GRIN2B: variants seen among roughly 807,000 people sequenced by gnomAD.
The protein encoded by GRIN2B is glutamate receptor ionotropic, NMDA 2B.
Under a neutral mutation model 114.5 loss-of-function variants are expected in GRIN2B, and 5 were observed. That is an observed-to-expected ratio of 0.04 (90% confidence interval 0.02 to 0.09). GRIN2B has a LOEUF of 0.09. GRIN2B is among the 10% of genes least tolerant of loss of function. The pLI, the probability that GRIN2B is intolerant of heterozygous loss-of-function variation, is 1.00. For missense variants in GRIN2B, 1,108 were observed against 1,943.5 expected (o/e 0.57, Z 8.08); for synonymous variants, 787 against 745.1 (o/e 1.06, Z -0.92).
chr12:13,670,714 A>G (rs1236630382), intron 5 of GRIN2B, among the ~76,000 whole-genome samples: 1 of 151,624 alleles, frequency 6.6e-6, no homozygotes, highest in East Asian at 1.9e-4. Flanking sequence ...TTTTTTCACC[A>G]TTTCTACCCT....
chr12:13,611,904 C>T (rs920314666), intron 8 of GRIN2B, 54 bp from the exon 9 acceptor site: 68 of 1,577,890 alleles, frequency 4.3e-5, no homozygotes, highest in Admixed American at 1.7e-4. Context: ...CAAAAGAATT[C>T]GAATTAATTC....
chr12:13,749,103 G>C (rs192647893), intron 4 of GRIN2B, among the ~76,000 whole-genome samples: 7 of 152,338 alleles, frequency 4.6e-5, no homozygotes, highest in Admixed American at 2.0e-4. Flanking sequence ...CACCTGATAA[G>C]TAATGTTCAT....
intron 2 of GRIN2B, among the ~76,000 whole-genome samples, chr12:13,933,603 G>A (rs914755795): frequency 6.6e-6 from 1 of 152,100 alleles, no homozygotes; most frequent in African/African-American, 2.4e-5. Flanking sequence ...TGGTACCTCT[G>A]CAAGAAGGGT....
intron 2 of GRIN2B, among the ~76,000 whole-genome samples, chr12:13,908,238 G>GAA (rs138547976): frequency 2.7e-5 from 4 of 145,472 alleles, no homozygotes; most frequent in African/African-American, 7.6e-5. Flanking sequence ...CTACATATTT[G>GAA]AAAAAAAAAA....
chr12:13,770,298 A>G (rs1450549386), intron 3 of GRIN2B, among the ~76,000 whole-genome samples: 1 of 152,246 alleles, frequency 6.6e-6, no homozygotes, highest in East Asian at 1.9e-4. Context: ...ACACTGGCCA[A>G]TGAAGTGTCC....
At chr12:13,719,602 A>G (rs1950489756) in intron 4 of GRIN2B, among the ~76,000 whole-genome samples, 1 of 152,050 alleles carries the variant, frequency 6.6e-6, no homozygotes, top group Non-Finnish European at 1.5e-5. Flanking sequence ...ATTCTTGTAA[A>G]GCCATGCCAA....
At chr12:13,924,215 A>T (rs972999270) in intron 2 of GRIN2B, among the ~76,000 whole-genome samples, 3 of 152,228 alleles carry the variant, frequency 2.0e-5, no homozygotes, top group African/African-American at 7.2e-5. Context: ...GTATATGGAT[A>T]AGATATCTAG....
chr12:13,875,324 C>T (rs1403356353), intron 2 of GRIN2B, among the ~76,000 whole-genome samples: 1 of 152,206 alleles, frequency 6.6e-6, no homozygotes, highest in Admixed American at 6.5e-5. Context: ...GTCAAGAGAT[C>T]GAGACCATCC....
chr12:13,679,703 A>G (rs966295784), intron 4 of GRIN2B, among the ~76,000 whole-genome samples: 17 of 152,220 alleles, frequency 1.1e-4, no homozygotes, highest in Admixed American at 3.9e-4. Context: ...ACTGAGGAGC[A>G]TGCAAATATA....
chr12:13,778,700 T>C (rs1012672647), intron 3 of GRIN2B, among the ~76,000 whole-genome samples: 3 of 152,212 alleles, frequency 2.0e-5, no homozygotes, highest in African/African-American at 7.2e-5. Flanking sequence ...TCCATTTTAT[T>C]TGGCCAAAAA....
chr12:13,821,156 C>T (rs576787850), intron 3 of GRIN2B, among the ~76,000 whole-genome samples: 1 of 152,034 alleles, frequency 6.6e-6, no homozygotes, highest in Non-Finnish European at 1.5e-5. Context: ...TTCTCTCTTC[C>T]CGCTCTGTCC....
chr12:13,564,799 A>G lies in GRIN2B; in HGVS notation c.2599-160T>C, dbSNP rs1044857071. Among the ~76,000 whole-genome samples, 1 of 152,212 alleles carries G rather than the reference A, an allele frequency of 6.6e-6. No individual in the cohort carries two copies. The highest frequency in any genetic ancestry group is 1.5e-5 in the Non-Finnish European group (1 of 68,040). On this transcript the variant is annotated intron_variant, in intron 13 of 13. Transcript: ENST00000609686. The surrounding 1 kb of genome is among the most constrained non-coding windows in gnomAD (Gnocchi z 4.8). ...TTAGATGTGGCTAGAAGTTTGCCTA[A>G]TTTATACCCCTAAATTTGGTGACTG...
At chr12:13,938,414 C>T (rs963961185) in intron 2 of GRIN2B, among the ~76,000 whole-genome samples, 3 of 152,128 alleles carry the variant, frequency 2.0e-5, no homozygotes, top group Admixed American at 6.5e-5. Flanking sequence ...AGCAATTCTA[C>T]TTTTTGACAT....
intron 3 of GRIN2B, among the ~76,000 whole-genome samples, chr12:13,824,202 T>C (rs1411415937): frequency 6.6e-6 from 1 of 152,192 alleles, no homozygotes; most frequent in Non-Finnish European, 1.5e-5. Flanking sequence ...GAATTGGTAT[T>C]GTTCTTTCTT....
At chr12:13,704,047 T>C (rs1050011561) in intron 4 of GRIN2B, among the ~76,000 whole-genome samples, 2 of 152,028 alleles carry the variant, frequency 1.3e-5, no homozygotes, top group African/African-American at 4.8e-5. Flanking sequence ...GTTCTGAAGA[T>C]TGGGGAGAAA....
At chr12:13,845,201 T>C (rs1225406578) in intron 3 of GRIN2B, among the ~76,000 whole-genome samples, 3 of 152,152 alleles carry the variant, frequency 2.0e-5, no homozygotes, top group African/African-American at 7.2e-5. Flanking sequence ...ATTTAGATTA[T>C]CCAAATTTTC....
Position 13,564,037 on chromosome 12 carries a change from G to A in GRIN2B, c.3201C>T (p.Thr1067=), listed in dbSNP as rs929166123. The A allele has an allele frequency of 3.7e-6, 6 of 1,614,226 alleles. No individual in the cohort carries two copies. The highest frequency in any genetic ancestry group is 1.6e-4 in the Middle Eastern group (1 of 6,062). Residue 1067 remains threonine (T), a synonymous_variant, in exon 14 of 14, where the codon ACC becomes ACT. Transcript: ENST00000609686. This position sits in a 1 kb window ranked among gnomAD's most constrained non-coding sequence, Gnocchi z 4.8. ...TGCCCTCGATGTTCCCATAGGTGACGGTGTGGGTTGAGATGTCAGAGACAT... is the reference window on the plus strand; with the variant it reads ...TGCCCTCGATGTTCCCATAGGTGACAGTGTGGGTTGAGATGTCAGAGACAT... ...RSDVSDISTH[T]VTYGNIEGNA...
intron 2 of GRIN2B, among the ~76,000 whole-genome samples, chr12:13,951,772 C>T (rs1466248623): frequency 3.9e-5 from 6 of 152,160 alleles, no homozygotes; most frequent in Admixed American, 3.9e-4. Flanking sequence ...TCTAATTTAT[C>T]TGTGAAACCA....
intron 4 of GRIN2B, among the ~76,000 whole-genome samples, chr12:13,752,536 T>C (rs922574960): frequency 3.3e-5 from 5 of 152,220 alleles, no homozygotes; most frequent in Non-Finnish European, 5.9e-5. Flanking sequence ...TGTACTTACA[T>C]AGAAGTTTTA....
Sources: allele counts gnomAD v4.1 joint callset (sites outside exome capture counted in the v4.1 genomes callset), GRCh38; gene constraint gnomAD v4.1.1; non-coding constraint Gnocchi (gnomAD v3.1); transcripts MANE v1.5; gene names NCBI Gene and HGNC (gene_info 2026-07-23, HGNC 2026-07-21).